The following SNX29 variants were observed in gnomAD, a reference collection of about 807,000 sequenced individuals.
The protein encoded by SNX29 is sorting nexin-29.
A neutral mutation model predicts 102.1 loss-of-function variants in SNX29; 78 were observed. The observed-to-expected ratio is 0.76, with a 90% CI of 0.64 to 0.92. The LOEUF (loss-of-function observed/expected upper bound fraction) is 0.92, where lower values mean the gene tolerates loss of function less well. Among genes scored for constraint, SNX29 ranks in the 40% least tolerant of loss-of-function variants. SNX29 has a pLI of 0.00. For missense variants in SNX29, 1,280 were observed against 1,061.7 expected (o/e 1.21, Z -2.86); for synonymous variants, 580 against 414.5 (o/e 1.40, Z -4.85).
chr16:12,511,895 AC>A (rs2089637566), intron 19 of SNX29, among the ~76,000 whole-genome samples: 1 of 151,956 alleles, frequency 6.6e-6, no homozygotes, highest in Non-Finnish European at 1.5e-5. Flanking sequence ...GGACCAGGAA[AC>A]CACTGGACGG....
At chr16:12,038,146 A>G (rs1462668683) in intron 4 of SNX29, among the ~76,000 whole-genome samples, 4 of 152,182 alleles carry the variant, frequency 2.6e-5, no homozygotes, top group Non-Finnish European at 5.9e-5. Flanking sequence ...TACACTTTAC[A>G]TGTATTCCTA....
Position 12,568,844 on chromosome 16 carries a change from GGA to G in SNX29, c.*220_*221del, listed in dbSNP as rs2079122353. The G allele has an allele frequency of 4.4e-6, 3 of 687,518 alleles. No individual in the cohort carries two copies. The highest frequency in any genetic ancestry group is 3.1e-5 in the Admixed American group (1 of 31,988). 42.6% of individuals were successfully genotyped at this position (687,518 alleles called of 1,614,324 possible). A position where few individuals can be genotyped will look rare whatever the true frequency, so the allele number is the denominator to read the frequency against. On this transcript the variant is annotated 3_prime_UTR_variant, in exon 21 of 21. Coordinates refer to ENST00000566228, the MANE Select transcript of SNX29 (RefSeq NM_032167.5). The stretch of plus-strand genomic sequence containing the variant: ...CGAGAGACCAAGGCAGCACCTCGCT[GGA>G]GAGACTGGGACACACAGTCCTTCTG...
intron 20 of SNX29, among the ~76,000 whole-genome samples, chr16:12,543,459 C>T (rs992235178): frequency 6.6e-6 from 1 of 152,220 alleles, no homozygotes; most frequent in African/African-American, 2.4e-5. Flanking sequence ...GCTGCGGGGT[C>T]TGGTGAACAG....
At chr16:12,219,413 G>A (rs956862566) in intron 14 of SNX29, among the ~76,000 whole-genome samples, 3 of 151,994 alleles carry the variant, frequency 2.0e-5, no homozygotes, top group African/African-American at 4.8e-5. Context: ...CCTTTATTAC[G>A]TGCAGAACGT....
At chr16:12,206,577 C>T (rs1453971170) in intron 14 of SNX29, among the ~76,000 whole-genome samples, 1 of 152,202 alleles carries the variant, frequency 6.6e-6, no homozygotes, top group Admixed American at 6.5e-5. Flanking sequence ...GTGCTGGCCG[C>T]CTTCTCAGCC....
chr16:12,563,411 G>C (rs1170864712), intron 20 of SNX29, among the ~76,000 whole-genome samples: 3 of 152,234 alleles, frequency 2.0e-5, no homozygotes, highest in African/African-American at 7.2e-5. Flanking sequence ...GATGGCGACT[G>C]GATTTTGTTC....
At chr16:12,508,075 G>C (rs929421735) in intron 19 of SNX29, among the ~76,000 whole-genome samples, 9 of 152,256 alleles carry the variant, frequency 5.9e-5, no homozygotes, top group Non-Finnish European at 8.8e-5. Flanking sequence ...GTGAGTTTCA[G>C]TGTTCTTACC....
At chr16:12,515,401 C>G (rs1339158658) in intron 19 of SNX29, 3 of 421,746 alleles carry the variant, frequency 7.1e-6, no homozygotes, top group East Asian at 1.1e-4. Flanking sequence ...GACTGGAGAG[C>G]TGAATGAGAG....
At chr16:12,492,033 G>C (rs891691216) in intron 19 of SNX29, among the ~76,000 whole-genome samples, 3 of 152,154 alleles carry the variant, frequency 2.0e-5, no homozygotes, top group African/African-American at 7.2e-5. Flanking sequence ...ATAATCCTTT[G>C]GGTATATACC....
At chr16:12,553,121 G>C (rs181800890) in intron 20 of SNX29, among the ~76,000 whole-genome samples, 1 of 151,104 alleles carries the variant, frequency 6.6e-6, no homozygotes, top group East Asian at 1.9e-4. Flanking sequence ...GGCTGGGAGG[G>C]CCTTGGGCTT....
At chr16:12,307,850 C>T (rs1403520065) in intron 15 of SNX29, among the ~76,000 whole-genome samples, 3 of 152,352 alleles carry the variant, frequency 2.0e-5, no homozygotes, top group East Asian at 1.9e-4. Flanking sequence ...CTCATGGTGA[C>T]GTTCACTTCC....
intron 20 of SNX29, among the ~76,000 whole-genome samples, chr16:12,537,927 G>C (rs919390176): frequency 6.7e-6 from 1 of 150,356 alleles, no homozygotes; most frequent in African/African-American, 2.5e-5. Flanking sequence ...AGAGGTTGCA[G>C]TGAGCTGAGA....
intron 3 of SNX29, among the ~76,000 whole-genome samples, chr16:12,024,445 C>T (rs574112495): frequency 6.6e-6 from 1 of 152,260 alleles, no homozygotes; most frequent in South Asian, 2.1e-4. Context: ...CGCACCCAGT[C>T]GAGATCTGCC....
chr16:11,999,383 T>A, intron 2 of SNX29, 25 bp downstream of exon 2: 1 of 1,612,384 alleles, frequency 6.2e-7, no homozygotes, highest in Non-Finnish European at 8.5e-7. Context: ...CACATTTGCC[T>A]TTTTGGTCGA....
intron 3 of SNX29, among the ~76,000 whole-genome samples, chr16:12,013,849 C>G (rs1191416096): frequency 6.6e-6 from 1 of 151,572 alleles, no homozygotes; most frequent in African/African-American, 2.4e-5. Flanking sequence ...ATGGGTTTCA[C>G]CGTGTTGCCC....
At chr16:12,064,782 G>A (rs886558928) in intron 9 of SNX29, among the ~76,000 whole-genome samples, 5 of 152,172 alleles carry the variant, frequency 3.3e-5, no homozygotes, top group African/African-American at 1.2e-4. Context: ...GGTGGCCACC[G>A]CCACCATTTC....
At chr16:12,512,612 GAGGGAGACGAGCATCCCATGGATA>G (rs567287745) in intron 19 of SNX29, among the ~76,000 whole-genome samples, 2,027 of 151,556 alleles carry the variant, frequency 0.013, 47 homozygotes, top group East Asian at 0.094. Flanking sequence ...AGCAGTACTC[GAGGGAGACGAGCATCCCATGGATA>G]CGCAGGCGGT....
Position 12,523,469 on chromosome 16 carries a change from C to T in SNX29, c.2179-1233C>T, listed in dbSNP as rs888775211. Among the ~76,000 whole-genome samples, 11 of 152,340 alleles carry T rather than the reference C, an allele frequency of 7.2e-5. No individual in the cohort carries two copies. In the East Asian group the frequency reaches 1.4e-3, roughly 19 times the overall value. On this transcript the variant is annotated intron_variant, in intron 19 of 20. Transcript: ENST00000566228. ...CTCAGAGAAAGCCTTGTCCCGGCCCCGATGCTCACTGCCCAGGGTGTCTTT... is the reference window on the plus strand; with the variant it reads ...CTCAGAGAAAGCCTTGTCCCGGCCCTGATGCTCACTGCCCAGGGTGTCTTT...
chr16:12,506,215 C>T lies in SNX29; in HGVS notation c.2179-18487C>T, dbSNP rs182833098. Among the ~76,000 whole-genome samples, 460 of 152,332 alleles carry T rather than the reference C, an allele frequency of 3.0e-3. 2 individuals carry two copies. The highest frequency in any genetic ancestry group is 0.011 in the African/African-American group (440 of 41,568). On this transcript the variant is annotated intron_variant, in intron 19 of 20. Transcript: ENST00000566228. Reference sequence around the variant, plus strand: ...ACCTCAGGTGATGCGCCTGCCTCGGCCTCCCAAAGTGCTGGGATTACAGGC... The same window carrying T: ...ACCTCAGGTGATGCGCCTGCCTCGGTCTCCCAAAGTGCTGGGATTACAGGC...
Sources: gnomAD v4.1 joint callset for allele counts (sites outside exome capture counted in the v4.1 genomes callset) on GRCh38, gnomAD v4.1.1 for gene constraint, MANE v1.5 for transcripts, NCBI Gene and HGNC (gene_info 2026-07-23, HGNC 2026-07-21) for gene names.